Variants in PLEKHA6 observed in about 807,000 individuals in gnomAD.
PLEKHA6 encodes pleckstrin homology domain containing A6.
A neutral mutation model predicts 116.7 loss-of-function variants in PLEKHA6; 60 were observed. The observed-to-expected ratio is 0.51, with a 90% CI of 0.42 to 0.64. PLEKHA6 has a LOEUF of 0.64. Among genes scored for constraint, PLEKHA6 ranks in the 30% least tolerant of loss-of-function variants. PLEKHA6 has a pLI of 0.00. For missense variants in PLEKHA6, 1,338 were observed against 1,422.7 expected, an observed-to-expected ratio of 0.94 and a Z score of 0.96; for synonymous variants, 489 against 556.1, an observed-to-expected ratio of 0.88 and a Z score of 1.70.
In PLEKHA6 at chr1:204,257,288, G is replaced by T. The variant is rs1008600808; in HGVS notation, c.1524+65C>A. The stretch of plus-strand genomic sequence containing the variant: ...GCTCCCACATCTCTGCCTTTTCTCA[G>T]TAGATGGTCTTAGGCTTCTGGGGAC... On this transcript the variant is annotated intron_variant, in intron 9 of 22. Coordinates refer to ENST00000272203, the MANE Select transcript of PLEKHA6 (RefSeq NM_014935.5). The surrounding 1 kb of genome is among the most constrained non-coding windows in gnomAD (Gnocchi z 6.5). 11 of 1,450,964 alleles carry T rather than the reference G, an allele frequency of 7.6e-6. No homozygotes were observed. The African/African-American group carries it at 9.8e-5, about 13-fold the overall frequency. The allele number at this position is 1,450,964 out of a possible 1,614,324, so 89.9% of individuals were successfully genotyped here. A position where few individuals can be genotyped will look rare whatever the true frequency, so the allele number is the denominator to read the frequency against.
chr1:204,346,649 G>A, intron 1 of PLEKHA6: 3 of 657,432 alleles, frequency 4.6e-6, no homozygotes, highest in Non-Finnish European at 8.1e-6. Context: ...TCCCAATGTG[G>A]CCATGGGTAA....
At chr1:204,254,033 G>T (rs1664941136) in intron 9 of PLEKHA6, among the ~76,000 whole-genome samples, 2 of 152,210 alleles carry the variant, frequency 1.3e-5, no homozygotes, top group South Asian at 4.1e-4. Flanking sequence ...ATTGTGGATG[G>T]AGTAGAAAGC....
chr1:204,284,246 G>T (rs554815794), intron 1 of PLEKHA6, among the ~76,000 whole-genome samples: 1 of 152,316 alleles, frequency 6.6e-6, no homozygotes, highest in South Asian at 2.1e-4. Context: ...CTGGAGGGTA[G>T]CACAGCAAGG....
chr1:204,367,294 C>T (rs2103405989), intron 3 of PLEKHA6, among the ~76,000 whole-genome samples: 1 of 152,344 alleles, frequency 6.6e-6, no homozygotes, highest in South Asian at 2.1e-4. Flanking sequence ...TAGGGCATCT[C>T]CGCCCACACA....
intron 6 of PLEKHA6, 109 bp downstream of exon 6, chr1:204,264,833 C>G: frequency 6.0e-6 from 5 of 832,498 alleles, no homozygotes; most frequent in East Asian, 2.4e-5. Context: ...TGGCCACCAC[C>G]ACCTGGGATT....
At chr1:204,370,659 A>G (rs1226856251) in intron 2 of PLEKHA6, among the ~76,000 whole-genome samples, 2 of 152,194 alleles carry the variant, frequency 1.3e-5, no homozygotes, top group African/African-American at 4.8e-5. Flanking sequence ...CTCCATAATC[A>G]GCAATGAATG....
rs60251937 is a variant in PLEKHA6 at position 204,308,687 on chromosome 1, C to CTTTTTTTTTTTTTTTTT, written c.-94-33895_-94-33879dup. Among the ~76,000 whole-genome samples the CTTTTTTTTTTTTTTTTT allele has an allele frequency of 1.4e-4, 11 of 81,404 alleles. 1 individual carries two copies. The highest frequency in any genetic ancestry group is 3.6e-4 in the Admixed American group (2 of 5,608). The allele number at this position is 81,404 out of a possible 152,430, so 53.4% of individuals were successfully genotyped here. A position where few individuals can be genotyped will look rare whatever the true frequency, so the allele number is the denominator to read the frequency against. ...CAAGAAGGTAATTCTTTTTCTTTTT[C>CTTTTTTTTTTTTTTTTT]TTTTTTTTTTTTTTTTTTTTTGAGA... On this transcript the variant is annotated intron_variant, in intron 1 of 22. Transcript: ENST00000272203.
chr1:204,274,730 T>C lies in PLEKHA6; in HGVS notation c.-15A>G, dbSNP rs1200441304. The C allele has an allele frequency of 5.1e-6, 5 of 985,810 alleles. No individual in the cohort carries two copies. Among genetic ancestry groups the C allele is most frequent in the Non-Finnish European group, 6.0e-6 (5 of 829,980 alleles). The allele number at this position is 985,810 out of a possible 1,614,324, so 61.1% of individuals were successfully genotyped here. Reference sequence around the variant, plus strand: ...ACAGCAAGTAGGGGACACACTTACATTTTCAAGTCAAATTTTTTGTTTTCC... The same window carrying C: ...ACAGCAAGTAGGGGACACACTTACACTTTCAAGTCAAATTTTTTGTTTTCC... On this transcript the variant is annotated splice_region_variant and 5_prime_UTR_variant, in exon 2 of 23. Coordinates refer to ENST00000272203, the MANE Select transcript of PLEKHA6 (RefSeq NM_014935.5).
At position 204,257,358 on chromosome 1, in the gene PLEKHA6, G is replaced by A; in HGVS notation, c.1519C>T (p.Pro507Ser). The A allele has an allele frequency of 6.4e-7, 1 of 1,561,096 alleles. No individual in the cohort carries two copies. The highest frequency in any genetic ancestry group is 1.2e-5 in the South Asian group (1 of 84,648). The change falls in exon 9 of 23, where the codon CCC (proline) becomes TCC (serine). Residue 507 changes from proline (P) to serine (S), a missense_variant. Physicochemically the swap from Pro to Ser is moderately conservative, Grantham distance 74 (BLOSUM62 -1). Coordinates refer to ENST00000272203, the MANE Select transcript of PLEKHA6 (RefSeq NM_014935.5). This position sits in a 1 kb window ranked among gnomAD's most constrained non-coding sequence, Gnocchi z 6.5. The part of the protein sequence containing the change: ...AYVMRRSISS[P>S]KVPPYPEVFR... ...AGGGCAGGCTGGTGGCTCACCTTGG[G>A]GGAGCTGATGGATCGCCTCATCACA...
At position 204,261,092 on chromosome 1, in the gene PLEKHA6, C is replaced by T. The variant is rs1315499105; in HGVS notation, c.524+214G>A. Among the ~76,000 whole-genome samples, 1 of 152,158 alleles carries T rather than the reference C, an allele frequency of 6.6e-6. No homozygotes were observed. Among genetic ancestry groups the T allele is most frequent in the Non-Finnish European group, 1.5e-5 (1 of 68,032 alleles). On this transcript the variant is annotated intron_variant, in intron 7 of 22. Transcript: ENST00000272203. This position sits in a 1 kb window ranked among gnomAD's most constrained non-coding sequence, Gnocchi z 4.0. ...GCTTTTCTCTTGGCCTTCCCGAGCTCAGAGAGAAGAGGAGGAGCTGGCTAG... is the reference window on the plus strand; with the variant it reads ...GCTTTTCTCTTGGCCTTCCCGAGCTTAGAGAGAAGAGGAGGAGCTGGCTAG...
intron 3 of PLEKHA6, among the ~76,000 whole-genome samples, chr1:204,271,152 T>C (rs113244084): frequency 4.3e-4 from 66 of 152,296 alleles, no homozygotes; most frequent in African/African-American, 1.5e-3. Flanking sequence ...TCAGATATTG[T>C]TTGTGTTAGT....
chr1:204,360,241 C>A (rs1673528512), upstream of PLEKHA6, among the ~76,000 whole-genome samples: 1 of 151,666 alleles, frequency 6.6e-6, no homozygotes, highest in South Asian at 2.1e-4. Context: ...AGAAACTGCC[C>A]AGGGTCTTAG....
At position 204,261,115 on chromosome 1, in the gene PLEKHA6, T is replaced by C. The variant is rs1666055924; in HGVS notation, c.524+191A>G. On this transcript the variant is annotated intron_variant, in intron 7 of 22. Transcript: ENST00000272203. The surrounding 1 kb of genome is among the most constrained non-coding windows in gnomAD (Gnocchi z 4.0). ...CTCAGAGAGAAGAGGAGGAGCTGGC[T>C]AGGGGAAGAGAGACTTCAGGCTCTG... Among the ~76,000 whole-genome samples, 1 of 152,136 alleles carries C rather than the reference T, an allele frequency of 6.6e-6. No homozygotes were observed. Among genetic ancestry groups the C allele is most frequent in the Non-Finnish European group, 1.5e-5 (1 of 68,024 alleles).
chr1:204,342,294 G>A (rs1248989153), intron 1 of PLEKHA6, among the ~76,000 whole-genome samples: 3 of 152,202 alleles, frequency 2.0e-5, no homozygotes, highest in Non-Finnish European at 4.4e-5. Flanking sequence ...ATTGTTCTAG[G>A]AGTTCAAGAC....
chr1:204,223,634 A>AG lies in PLEKHA6; in HGVS notation c.3032-50dup, dbSNP rs1316116744. 1 of 2,410 alleles carries AG rather than the reference A, an allele frequency of 4.1e-4. No homozygotes were observed. The allele number at this position is 2,410 out of a possible 1,614,324, so 0.1% of individuals were successfully genotyped here. ...GGTGAATGGGGGTGGGTGGGGGAGGAGGGTGGGCACCCAGAGCAAGCGAGG... is the reference window on the plus strand; with the variant it reads ...GGTGAATGGGGGTGGGTGGGGGAGGAGGGGTGGGCACCCAGAGCAAGCGAGG... On this transcript the variant is annotated intron_variant, in intron 21 of 22. Transcript: ENST00000272203. The surrounding 1 kb of genome is among the most constrained non-coding windows in gnomAD (Gnocchi z 4.8).
At chr1:204,263,139 G>A (rs75740496) in intron 6 of PLEKHA6, among the ~76,000 whole-genome samples, 28 of 152,308 alleles carry the variant, frequency 1.8e-4, no homozygotes, top group East Asian at 7.7e-4. Context: ...AAAACATGCC[G>A]CGGGAAACAA....
At chr1:204,371,053 C>CAAAAAAAAAAAAAAAAAAAAAAA (rs34493461) in intron 2 of PLEKHA6, among the ~76,000 whole-genome samples, 42 of 68,484 alleles carry the variant, frequency 6.1e-4, no homozygotes, top group African/African-American at 2.4e-3. Flanking sequence ...GACTCTGCCT[C>CAAAAAAAAAAAAAAAAAAAAAAA]AAAAAAAAAA....
At chr1:204,307,672 G>T (rs1671439390) in intron 1 of PLEKHA6, among the ~76,000 whole-genome samples, 1 of 152,162 alleles carries the variant, frequency 6.6e-6, no homozygotes, top group African/African-American at 2.4e-5. Flanking sequence ...ACCCGCCCTC[G>T]CGTTCCCCTC....
At chr1:204,347,327 T>C (rs1286268930) in intron 1 of PLEKHA6, 2 of 726,792 alleles carry the variant, frequency 2.8e-6, no homozygotes, top group African/African-American at 3.7e-5. Context: ...AGAAGAGAAA[T>C]ATGGCTCTGT....
Sources: gnomAD v4.1 joint callset for allele counts (sites outside exome capture counted in the v4.1 genomes callset) on GRCh38, gnomAD v4.1.1 for gene constraint, Gnocchi (gnomAD v3.1) non-coding constraint, MANE v1.5 for transcripts, NCBI Gene and HGNC (gene_info 2026-07-23, HGNC 2026-07-21) for gene names.